Variants in PTTG1IP observed in about 807,000 individuals in gnomAD.
PTTG1IP encodes the protein PTTG1 interacting protein.
PTTG1IP carries 16 observed loss-of-function variants against 24.4 expected under a neutral mutation model. The ratio of observed to expected loss-of-function variants is 0.66; its 90% CI spans 0.44 to 1.00. PTTG1IP has a LOEUF of 1.00. Among genes scored for constraint, PTTG1IP ranks in the 50% least tolerant of loss-of-function variants. The probability of loss-of-function intolerance (pLI) is 0.00; values close to 1 mark genes in which losing one functional copy is unlikely to be tolerated. For missense variants in PTTG1IP, 241 were observed against 245.8 expected, an observed-to-expected ratio of 0.98 and a Z score of 0.13; for synonymous variants, 89 against 96.8, an observed-to-expected ratio of 0.92 and a Z score of 0.47.
intron 2 of PTTG1IP, among the ~76,000 whole-genome samples, chr21:44,863,183 CAG>C (rs2083507187): frequency 8.1e-6 from 1 of 124,218 alleles, no homozygotes; most frequent in Non-Finnish European, 1.7e-5. Context: ...GCCTCAGCAG[CAG>C]AGACACAGCC....
chr21:44,858,329 G>C (rs547047153), intron 3 of PTTG1IP, among the ~76,000 whole-genome samples: 13 of 152,330 alleles, frequency 8.5e-5, no homozygotes, highest in Middle Eastern at 3.4e-3. Flanking sequence ...CCTAAAACGG[G>C]TATCATGTGC....
chr21:44,873,539 G>A lies in PTTG1IP; in HGVS notation c.78C>T (p.Leu26=). 1.4e-6 allele frequency: 2 copies of A among 1,468,154 alleles called. No individual in the cohort carries two copies. The highest frequency in any genetic ancestry group is 9.0e-7 in the Non-Finnish European group (1 of 1,115,568). 90.9% of individuals were successfully genotyped at this position (1,468,154 alleles called of 1,614,324 possible). Reference sequence around the variant, plus strand: ...GCTCCTGCGCGGCGGCCACCGGGATGAGCAGCAGGAGCAGCGCGGCGCCAC... The same window carrying A: ...GCTCCTGCGCGGCGGCCACCGGGATAAGCAGCAGGAGCAGCGCGGCGCCAC... ...RLGGAALLLL[L]IPVAAAQEPP... Residue 26 remains leucine, a synonymous_variant, in exon 1 of 6, where the codon CTC becomes CTT. Coordinates refer to ENST00000330938, the MANE Select transcript of PTTG1IP (RefSeq NM_004339.4).
Position 44,851,154 on chromosome 21 carries a change from AG to A in PTTG1IP, c.*426del. 1.7e-6 allele frequency: 1 copy of A among 589,354 alleles called. No individual in the cohort carries two copies. Among genetic ancestry groups the A allele is most frequent in the East Asian group, 2.9e-5 (1 of 34,508 alleles). 36.5% of individuals were successfully genotyped at this position (589,354 alleles called of 1,614,324 possible). On this transcript the variant is annotated 3_prime_UTR_variant, in exon 6 of 6. Transcript: ENST00000330938. ...TTATGGGGAATGATGAGGGCTGGTC[AG>A]TTCTCCTCATGACAAAAGTCAAACC...
chr21:44,863,279 GAC>G (rs368383151), intron 2 of PTTG1IP, among the ~76,000 whole-genome samples: 11 of 120,962 alleles, frequency 9.1e-5, no homozygotes, highest in African/African-American at 3.7e-4. Flanking sequence ...GCAACACAGA[GAC>G]ACACAGCCCG....
intron 3 of PTTG1IP, among the ~76,000 whole-genome samples, chr21:44,858,620 G>A (rs2083466742): frequency 6.6e-6 from 1 of 152,198 alleles, no homozygotes; most frequent in Admixed American, 6.5e-5. Context: ...CGTGGCGTGT[G>A]GTGCCCCCTC....
chr21:44,872,432 T>TTA (rs1458345391), intron 1 of PTTG1IP, among the ~76,000 whole-genome samples: 3 of 152,208 alleles, frequency 2.0e-5, no homozygotes, highest in Non-Finnish European at 4.4e-5. Flanking sequence ...GAGAAAAGTA[T>TTA]TAGCCCCTCA....
At chr21:44,863,241 A>T in intron 2 of PTTG1IP, among the ~76,000 whole-genome samples, 2 of 120,816 alleles carry the variant, frequency 1.7e-5, no homozygotes, top group Non-Finnish European at 3.4e-5. Flanking sequence ...CGGCCTCAGC[A>T]GCAGAGACAC....
intron 3 of PTTG1IP, 65 bp from the exon 4 acceptor site, chr21:44,856,429 T>C: frequency 1.3e-6 from 2 of 1,510,556 alleles, no homozygotes; most frequent in African/African-American, 2.8e-5. Flanking sequence ...CACAGCAGCC[T>C]TCCCTCGCCC....
In PTTG1IP at chr21:44,865,341, G is replaced by A. The variant is rs893054834; in HGVS notation, c.168+54C>T. 6 of 1,560,442 alleles carry A rather than the reference G, an allele frequency of 3.8e-6. No homozygotes were observed. In the Admixed American group the frequency reaches 6.7e-5, roughly 17 times the overall value. On this transcript the variant is annotated intron_variant, in intron 2 of 5. Coordinates refer to ENST00000330938, the MANE Select transcript of PTTG1IP (RefSeq NM_004339.4). ...ATCCCTGGACCTAGAGAAAGCCCGTGTGCCTTTGGACGGTCTGGACGGCAC... is the reference window on the plus strand; with the variant it reads ...ATCCCTGGACCTAGAGAAAGCCCGTATGCCTTTGGACGGTCTGGACGGCAC...
In PTTG1IP at chr21:44,850,105, G is replaced by A. The variant is rs2083400387; in HGVS notation, c.*1476C>T. 4 of 152,164 alleles carry A rather than the reference G, an allele frequency of 2.6e-5. No individual in the cohort carries two copies. The highest frequency in any genetic ancestry group is 2.9e-5 in the Non-Finnish European group (2 of 68,030). 9.4% of individuals were successfully genotyped at this position (152,164 alleles called of 1,614,324 possible). ...AAAAAGGCTTATCGAGCTGTTTGAC[G>A]AGTTCTTGAAGTGTTCTGGATCAGT... is the stretch of plus-strand genomic sequence containing the variant. On this transcript the variant is annotated 3_prime_UTR_variant, in exon 6 of 6. Transcript: ENST00000330938.
At chr21:44,866,465 T>A (rs1601255994) in intron 1 of PTTG1IP, among the ~76,000 whole-genome samples, 1 of 22,410 alleles carries the variant, frequency 4.5e-5, no homozygotes, top group Non-Finnish European at 7.8e-5. Context: ...ACTCCCCCAA[T>A]CCCATAACAC....
At chr21:44,856,102 A>C (rs765325645) in intron 4 of PTTG1IP, 91 bp downstream of exon 4, 21 of 1,610,082 alleles carry the variant, frequency 1.3e-5, no homozygotes, top group Non-Finnish European at 1.8e-5. Flanking sequence ...AAACTGAGGA[A>C]AACTCAGGAT....
At chr21:44,853,735 C>T (rs529025644) in intron 5 of PTTG1IP, among the ~76,000 whole-genome samples, 248 of 152,200 alleles carry the variant, frequency 1.6e-3, no homozygotes, top group Middle Eastern at 6.8e-3. Context: ...AAACAACAGG[C>T]GACAGAGAGG....
At chr21:44,853,175 T>G (rs975973545) in intron 5 of PTTG1IP, among the ~76,000 whole-genome samples, 4 of 152,150 alleles carry the variant, frequency 2.6e-5, no homozygotes, top group Non-Finnish European at 4.4e-5. Flanking sequence ...TGTGTGCGCG[T>G]GTGCGTGTGT....
At chr21:44,865,508 C>T (rs944476593) in intron 1 of PTTG1IP, 61 bp from the exon 2 acceptor site, 1 of 1,567,510 alleles carries the variant, frequency 6.4e-7, no homozygotes, top group Admixed American at 1.7e-5. Flanking sequence ...AAATATTAGT[C>T]CAGCAGGGCA....
chr21:44,851,548 C>T lies in PTTG1IP; in HGVS notation c.*33G>A. 6.2e-7 allele frequency: 1 copy of T among 1,613,432 alleles called. No homozygotes were observed. Among genetic ancestry groups the T allele is most frequent in the Non-Finnish European group, 8.5e-7 (1 of 1,179,340 alleles). On this transcript the variant is annotated 3_prime_UTR_variant, in exon 6 of 6. Coordinates refer to ENST00000330938, the MANE Select transcript of PTTG1IP (RefSeq NM_004339.4). ...GCTGGGCTGCGGAGCGTGCACCTCA[C>T]AGGAAGCGTCGGGACTGATGTGCTG...
At chr21:44,866,505 TCCC>T (rs1238618866) in intron 1 of PTTG1IP, among the ~76,000 whole-genome samples, 2 of 75,742 alleles carry the variant, frequency 2.6e-5, no homozygotes, top group South Asian at 4.9e-4. Context: ...GACTGCCTAC[TCCC>T]CCAATCCCGT....
chr21:44,872,874 G>A (rs2083600268), intron 1 of PTTG1IP: 1 of 152,362 alleles, frequency 6.6e-6, no homozygotes, highest in African/African-American at 2.4e-5. Context: ...GGACAGCGTA[G>A]AACCGCAATC....
chr21:44,859,339 G>C (rs1188903076), intron 3 of PTTG1IP, among the ~76,000 whole-genome samples: 2 of 152,228 alleles, frequency 1.3e-5, no homozygotes, highest in Non-Finnish European at 2.9e-5. Flanking sequence ...ACTTTGCTGT[G>C]AGTGGTGATA....
Sources: gnomAD v4.1 joint callset for allele counts (sites outside exome capture counted in the v4.1 genomes callset) on GRCh38, gnomAD v4.1.1 for gene constraint, MANE v1.5 for transcripts, NCBI Gene and HGNC (gene_info 2026-07-23, HGNC 2026-07-21) for gene names.